The following LINGO2 variants were observed in gnomAD, a reference collection of about 807,000 sequenced individuals.
LINGO2 encodes leucine-rich repeat and immunoglobulin-like domain-containing nogo receptor-interacting protein 2.
Under a neutral mutation model 30.6 loss-of-function variants are expected in LINGO2, and 14 were observed. The ratio of observed to expected loss-of-function variants is 0.46; its 90% CI spans 0.30 to 0.72. The LOEUF (loss-of-function observed/expected upper bound fraction) is 0.72. LINGO2 is among the 30% of genes least tolerant of loss of function. The pLI, the probability that LINGO2 is intolerant of heterozygous loss-of-function variation, is 0.07. For missense variants in LINGO2, 729 were observed against 751.7 expected (o/e 0.97, Z 0.35); for synonymous variants, 317 against 288.5 (o/e 1.10, Z -1.00).
intron 4 of LINGO2, among the ~76,000 whole-genome samples, chr9:28,110,808 C>T (rs1479272918): frequency 1.3e-5 from 2 of 152,140 alleles, no homozygotes; most frequent in African/African-American, 2.4e-5. Flanking sequence ...TTAGTTCATC[C>T]ATTTTGGAAG....
intron 2 of LINGO2, among the ~76,000 whole-genome samples, chr9:28,396,291 AGGAAACAGAGATATATG>A (rs1822036779): frequency 6.6e-6 from 1 of 152,194 alleles, no homozygotes; most frequent in African/African-American, 2.4e-5. Context: ...AATCCAAGTA[AGGAAACAGAGATATATG>A]GGACTATTTT....
intron 2 of LINGO2, among the ~76,000 whole-genome samples, chr9:28,458,828 C>G (rs1303009684): frequency 2.0e-5 from 3 of 152,038 alleles, no homozygotes; most frequent in Non-Finnish European, 4.4e-5. Flanking sequence ...CATTGCTCAC[C>G]TTGAACTTTG....
At chr9:27,939,826 C>A in the LINGO2 span, 4 of 152,148 alleles carry the variant, frequency 2.6e-5, no homozygotes, top group Non-Finnish European at 5.9e-5. Flanking sequence ...AATAGTGATG[C>A]TGCAGTTAGA....
intron 2 of LINGO2, among the ~76,000 whole-genome samples, chr9:28,395,461 G>C (rs991228297): frequency 6.6e-6 from 1 of 151,968 alleles, no homozygotes; most frequent in Admixed American, 6.5e-5. Context: ...GTTGCATAAA[G>C]TATATTTCAA....
At chr9:28,120,990 T>C (rs987781174) in intron 4 of LINGO2, among the ~76,000 whole-genome samples, 3 of 152,220 alleles carry the variant, frequency 2.0e-5, no homozygotes, top group Non-Finnish European at 2.9e-5. Flanking sequence ...CTGTTACATA[T>C]TGATTTATTT....
intron 2 of LINGO2, among the ~76,000 whole-genome samples, chr9:28,442,401 T>C (rs573053252): frequency 1.3e-5 from 2 of 152,118 alleles, no homozygotes; most frequent in African/African-American, 2.4e-5. Context: ...TTAATGATTC[T>C]ACACTATATA....
At chr9:28,046,496 C>T (rs1587761285) in intron 4 of LINGO2, among the ~76,000 whole-genome samples, 1 of 152,160 alleles carries the variant, frequency 6.6e-6, no homozygotes, top group Non-Finnish European at 1.5e-5. Flanking sequence ...TTTAAGCCAA[C>T]TTCCTTTGCA....
At chr9:28,844,478 T>G in the LINGO2 span, among the ~76,000 whole-genome samples, 8 of 151,918 alleles carry the variant, frequency 5.3e-5, no homozygotes, top group Non-Finnish European at 1.0e-4. Context: ...AAACATTGGA[T>G]AAAAAGTTTA....
chr9:28,100,417 A>T (rs1330224628), intron 4 of LINGO2, among the ~76,000 whole-genome samples: 5 of 152,186 alleles, frequency 3.3e-5, no homozygotes, highest in Non-Finnish European at 5.9e-5. Flanking sequence ...TAGATAAATC[A>T]GAGTAAAATG....
At chr9:28,853,474 A>C in the LINGO2 span, among the ~76,000 whole-genome samples, 1 of 152,058 alleles carries the variant, frequency 6.6e-6, no homozygotes, top group Non-Finnish European at 1.5e-5. Context: ...GGTGATCAGA[A>C]ACACATGCTC....
the LINGO2 span, among the ~76,000 whole-genome samples, chr9:28,732,423 G>A: frequency 2.0e-5 from 3 of 150,870 alleles, no homozygotes; most frequent in Non-Finnish European, 3.0e-5. Flanking sequence ...AACCACACAA[G>A]TAAACAATCC....
At chr9:28,156,975 G>A (rs1425601459) in intron 4 of LINGO2, among the ~76,000 whole-genome samples, 1 of 152,216 alleles carries the variant, frequency 6.6e-6, no homozygotes, top group Non-Finnish European at 1.5e-5. Context: ...GTGGGCTGGT[G>A]TTGAGTGTGG....
At chr9:28,011,265 G>C (rs61047064) in intron 5 of LINGO2, among the ~76,000 whole-genome samples, 2,250 of 152,294 alleles carry the variant, frequency 0.015, 65 homozygotes, top group African/African-American at 0.052. Flanking sequence ...ATTTTTCGTA[G>C]GGAGGGAAAT....
the LINGO2 span, among the ~76,000 whole-genome samples, chr9:28,821,568 C>T: frequency 3.3e-5 from 5 of 152,150 alleles, no homozygotes; most frequent in Non-Finnish European, 5.9e-5. Flanking sequence ...CTCAATGCTG[C>T]CATCAAAACA....
At chr9:28,760,509 T>A in the LINGO2 span, among the ~76,000 whole-genome samples, 1 of 152,054 alleles carries the variant, frequency 6.6e-6, no homozygotes, top group Non-Finnish European at 1.5e-5. Flanking sequence ...CTTTTTTAAT[T>A]TTTTATTTTA....
the LINGO2 span, among the ~76,000 whole-genome samples, chr9:29,114,962 T>C: frequency 7.3e-6 from 1 of 137,648 alleles, no homozygotes; most frequent in Non-Finnish European, 1.7e-5. Flanking sequence ...ATAAAATTTA[T>C]ATGATTTGTT....
chr9:28,668,292 G>A (rs1359697868), intron 1 of LINGO2, among the ~76,000 whole-genome samples: 2 of 152,028 alleles, frequency 1.3e-5, no homozygotes, highest in Admixed American at 6.6e-5. Context: ...AACCAGTGCT[G>A]TGGGGTGAAG....
the LINGO2 span, among the ~76,000 whole-genome samples, chr9:28,738,806 C>A: frequency 6.6e-5 from 10 of 151,768 alleles, no homozygotes; most frequent in African/African-American, 2.4e-4. Flanking sequence ...TCAATACAGT[C>A]CAGTAGAGTC....
At chr9:28,890,968 T>C in the LINGO2 span, among the ~76,000 whole-genome samples, 3 of 152,094 alleles carry the variant, frequency 2.0e-5, no homozygotes, top group Non-Finnish European at 2.9e-5. Flanking sequence ...AAAAGTTTTC[T>C]AAAGGGTAGA....
Sources: gnomAD v4.1 joint callset for allele counts (sites outside exome capture counted in the v4.1 genomes callset) on GRCh38, gnomAD v4.1.1 for gene constraint, MANE v1.5 for transcripts, NCBI Gene and HGNC (gene_info 2026-07-23, HGNC 2026-07-21) for gene names.